Variants in PRDM1 observed in about 807,000 individuals in gnomAD.
The protein encoded by PRDM1 is PR domain zinc finger protein 1.
In PRDM1, 13 loss-of-function variants were observed where a neutral mutation model predicts 62.8. The observed-to-expected ratio is 0.21, with a 90% confidence interval of 0.13 to 0.33. The LOEUF is 0.33. Among genes scored for constraint, PRDM1 ranks in the 10% least tolerant of loss-of-function variants. PRDM1 has a pLI of 1.00. For synonymous variants in PRDM1, 396 were observed against 417.6 expected, an observed-to-expected ratio of 0.95 and a Z score of 0.63; for missense variants, 895 against 1,058.8, an observed-to-expected ratio of 0.85 and a Z score of 2.15.
At chr6:106,026,002 A>G (rs1449360229) in intron 1 of PRDM1, among the ~76,000 whole-genome samples, 1 of 152,184 alleles carries the variant, frequency 6.6e-6, no homozygotes, top group South Asian at 2.1e-4. Context: ...ATCTTCCCTC[A>G]TATTCTCTAA....
intron 1 of PRDM1, among the ~76,000 whole-genome samples, chr6:106,023,164 G>A (rs1029733008): frequency 6.6e-6 from 1 of 152,136 alleles, no homozygotes; most frequent in Non-Finnish European, 1.5e-5. Context: ...GGTCAGTAGT[G>A]GGGAATTGTC....
upstream of PRDM1, among the ~76,000 whole-genome samples, chr6:106,082,767 G>T (rs922366535): frequency 1.3e-5 from 2 of 152,156 alleles, no homozygotes; most frequent in Non-Finnish European, 2.9e-5. Flanking sequence ...GAAGGTCACC[G>T]TCCCAATGTT....
At chr6:106,013,317 T>C (rs1772578933) in intron 1 of PRDM1, among the ~76,000 whole-genome samples, 1 of 142,648 alleles carries the variant, frequency 7.0e-6, no homozygotes, top group Non-Finnish European at 1.5e-5. Context: ...TGTAAACTGC[T>C]TTTTGAACTT....
intron 4 of PRDM1, chr6:106,100,651 A>G (rs1179297443): frequency 1.3e-5 from 2 of 152,230 alleles, no homozygotes; most frequent in South Asian, 2.1e-4. Flanking sequence ...TACCCTAGTC[A>G]TATATAATCC....
intron 1 of PRDM1, among the ~76,000 whole-genome samples, chr6:106,067,862 G>T (rs573357349): frequency 6.6e-6 from 1 of 152,016 alleles, no homozygotes; most frequent in East Asian, 1.9e-4. Context: ...TGATTAAAAT[G>T]GTAAATTTCT....
At position 106,106,617 on chromosome 6, in the gene PRDM1, C is replaced by A; in HGVS notation, c.1902+118C>A. Reference sequence around the variant, plus strand: ...AACACCAGATTCTGCGTTGTCCCATCCTGGACTGATGGCACTATGGTCCTT... The same window carrying A: ...AACACCAGATTCTGCGTTGTCCCATACTGGACTGATGGCACTATGGTCCTT... On this transcript the variant is annotated intron_variant, in intron 6 of 6. Coordinates refer to ENST00000369096, the MANE Select transcript of PRDM1 (RefSeq NM_001198.4). The surrounding 1 kb of genome is among the most constrained non-coding windows in gnomAD (Gnocchi z 4.4). The A allele has an allele frequency of 7.2e-7, 1 of 1,391,704 alleles. No individual in the cohort carries two copies. Among genetic ancestry groups the A allele is most frequent in the South Asian group, 1.3e-5 (1 of 74,956 alleles). 86.2% of individuals were successfully genotyped at this position (1,391,704 alleles called of 1,614,324 possible).
chr6:106,106,987 A>C lies in PRDM1; in HGVS notation c.1979A>C (p.Gln660Pro). ...CTCCATTCTGGAGAGAAACCATACC[A>C]ATGCAAGGTGTGCCCTGCCAAGTTC... is the stretch of plus-strand genomic sequence containing the variant. The part of the protein sequence containing the change: ...LRLHSGEKPY[Q>P]CKVCPAKFTQ... Residue 660 changes from glutamine to proline, a missense_variant, in exon 7 of 7, where the codon CAA (glutamine) becomes CCA (proline). Coordinates refer to ENST00000369096, the MANE Select transcript of PRDM1 (RefSeq NM_001198.4). The surrounding 1 kb of genome is among the most constrained non-coding windows in gnomAD (Gnocchi z 4.4). 5.0e-6 allele frequency: 8 copies of C among 1,614,140 alleles called. No individual in the cohort carries two copies. The highest frequency in any genetic ancestry group is 5.9e-6 in the Non-Finnish European group (7 of 1,180,024).
chr6:106,085,672 A>G (rs1168170315), upstream of PRDM1, among the ~76,000 whole-genome samples: 1 of 152,224 alleles, frequency 6.6e-6, no homozygotes, highest in Non-Finnish European at 1.5e-5. Flanking sequence ...CTAATGCTCT[A>G]CATTTTACTT....
intron 1 of PRDM1, among the ~76,000 whole-genome samples, chr6:106,062,419 C>A (rs1458817679): frequency 1.3e-5 from 2 of 152,106 alleles, no homozygotes; most frequent in African/African-American, 4.8e-5. Flanking sequence ...AAGTGATTTT[C>A]CACTGATTTA....
chr6:106,089,857 C>T (rs547407003), intron 2 of PRDM1, among the ~76,000 whole-genome samples: 30 of 152,258 alleles, frequency 2.0e-4, no homozygotes, highest in Admixed American at 3.9e-4. Context: ...ACCAAATATT[C>T]GTCTGTTCCC....
intron 1 of PRDM1, among the ~76,000 whole-genome samples, chr6:106,009,017 A>G (rs758434858): frequency 6.6e-6 from 1 of 152,162 alleles, no homozygotes; most frequent in Non-Finnish European, 1.5e-5. Context: ...CCAGCAACTG[A>G]ACACAGGCCC....
At chr6:106,027,743 T>A (rs1772785541) in intron 1 of PRDM1, among the ~76,000 whole-genome samples, 2 of 152,220 alleles carry the variant, frequency 1.3e-5, no homozygotes, top group Admixed American at 1.3e-4. Flanking sequence ...ATTTCATCAC[T>A]TGAGAGTGTC....
At position 106,010,366 on chromosome 6, in the gene PRDM1, A is replaced by G. The variant is rs192857071; in HGVS notation, c.-67+16727A>G. Reference sequence around the variant, plus strand: ...AAATGCATAATCATACATATTTTATATATTTATGTTTAAAGCATTTATTTA... The same window carrying G: ...AAATGCATAATCATACATATTTTATGTATTTATGTTTAAAGCATTTATTTA... On this transcript the variant is annotated intron_variant, in intron 1 of 6. Transcript: ENST00000652320. Among the ~76,000 whole-genome samples the G allele has an allele frequency of 2.8e-4, 43 of 152,360 alleles. No homozygotes were observed. In the East Asian group the frequency reaches 8.3e-3, roughly 29 times the overall value.
At chr6:106,021,770 G>A (rs573727334) in intron 1 of PRDM1, among the ~76,000 whole-genome samples, 45 of 152,190 alleles carry the variant, frequency 3.0e-4, no homozygotes, top group African/African-American at 7.7e-4. Flanking sequence ...ACAGGCACGC[G>A]CCACCACGCC....
intron 1 of PRDM1, among the ~76,000 whole-genome samples, chr6:105,998,614 G>A (rs1049836946): frequency 6.6e-6 from 1 of 151,978 alleles, no homozygotes; most frequent in Non-Finnish European, 1.5e-5. Context: ...CTTCTCCTAG[G>A]ATTACCAGTT....
In PRDM1 at chr6:106,105,413, A is replaced by G; in HGVS notation, c.1253A>G (p.Tyr418Cys). 2 of 1,613,816 alleles carry G rather than the reference A, an allele frequency of 1.2e-6. No individual in the cohort carries two copies. Among genetic ancestry groups the G allele is most frequent in the Non-Finnish European group, 1.7e-6 (2 of 1,179,976 alleles). ...TACCCCAAGTTCCTCTTGCCCCCCT[A>G]CGGCATGAATTGTAATGGCCTGAGC... ...AHYPKFLLPP[Y>C]GMNCNGLSAV... Residue 418 changes from tyrosine to cysteine, a missense_variant, in exon 5 of 7, where the codon TAC becomes TGC. Physicochemically the swap from Tyr to Cys is radical, Grantham distance 194. Around this residue, in one of 4 missense-constraint regions of PRDM1, gnomAD observed 444 missense variants for 422.7 expected, o/e 1.05. Coordinates refer to ENST00000369096, the MANE Select transcript of PRDM1 (RefSeq NM_001198.4).
intron 1 of PRDM1, among the ~76,000 whole-genome samples, chr6:106,033,190 A>G (rs1562149032): frequency 6.6e-6 from 1 of 152,138 alleles, no homozygotes; most frequent in African/African-American, 2.4e-5. Flanking sequence ...TCAAGGCTGA[A>G]GTGCAGTGGC....
At position 106,041,563 on chromosome 6, in the gene PRDM1, A is replaced by G. The variant is rs569738916; in HGVS notation, c.-66-46638A>G. 1.1e-4 allele frequency among the ~76,000 whole-genome samples: 17 copies of G among 152,324 alleles called. 1 individual carries two copies. The highest frequency in any genetic ancestry group is 4.1e-4 in the African/African-American group (17 of 41,564). On this transcript the variant is annotated intron_variant, in intron 1 of 6. Coordinates refer to the PRDM1 transcript ENST00000652320. ...TTAAATAAAACCATCAGGCATGACTATGAAGAAATAGCATGAGATAGTTTC... is the reference window on the plus strand; with the variant it reads ...TTAAATAAAACCATCAGGCATGACTGTGAAGAAATAGCATGAGATAGTTTC...
At position 106,100,957 on chromosome 6, in the gene PRDM1, A is replaced by G. The variant is rs150472014; in HGVS notation, c.664+1405A>G. Among the ~76,000 whole-genome samples, 611 of 151,212 alleles carry G rather than the reference A, an allele frequency of 4.0e-3. 5 individuals are homozygous for G. The highest frequency in any genetic ancestry group is 7.3e-3 in the Non-Finnish European group (496 of 67,726). On this transcript the variant is annotated intron_variant, in intron 4 of 6. Transcript: ENST00000369096. The stretch of plus-strand genomic sequence containing the variant: ...TTCAGCGCTCCCCGAGACTCTGGAG[A>G]CTCTGTCATATCCCTAGGGCTGAGC...
Sources: allele counts gnomAD v4.1 joint callset (sites outside exome capture counted in the v4.1 genomes callset), GRCh38; gene constraint gnomAD v4.1.1; regional missense constraint gnomAD v4.1.1; non-coding constraint Gnocchi (gnomAD v3.1); transcripts MANE v1.5; gene names NCBI Gene and HGNC (gene_info 2026-07-23, HGNC 2026-07-21).